Variants in MECOM observed in about 807,000 individuals in gnomAD.
MECOM encodes histone-lysine N-methyltransferase MECOM.
MECOM carries 13 observed loss-of-function variants against 116.3 expected under a neutral mutation model. The observed-to-expected ratio is 0.11, with a 90% confidence interval of 0.07 to 0.18. The LOEUF (loss-of-function observed/expected upper bound fraction) is 0.18. Ranked by LOEUF, MECOM falls within the 10% of genes least tolerant of loss-of-function variation. MECOM has a pLI of 1.00. For synonymous variants in MECOM, 528 were observed against 535.2 expected, an observed-to-expected ratio of 0.99 and a Z score of 0.19; for missense variants, 1,299 against 1,509.0, an observed-to-expected ratio of 0.86 and a Z score of 2.31.
At chr3:169,187,410 G>A (rs1448367305) in intron 2 of MECOM, among the ~76,000 whole-genome samples, 2 of 152,020 alleles carry the variant, frequency 1.3e-5, no homozygotes, top group East Asian at 3.9e-4. Context: ...AAATAAAAAT[G>A]GAAAAGCCAA....
At chr3:169,352,965 G>C (rs1450830243) in intron 2 of MECOM, among the ~76,000 whole-genome samples, 1 of 151,930 alleles carries the variant, frequency 6.6e-6, no homozygotes, top group African/African-American at 2.4e-5. Flanking sequence ...GAGCTTTGCT[G>C]TCTGGACCAA....
chr3:169,483,196 ATTTTTATTTTTTTTT>A (rs1751606946), intron 1 of MECOM, among the ~76,000 whole-genome samples: 5 of 104,774 alleles, frequency 4.8e-5, no homozygotes, highest in African/African-American at 1.9e-4. Flanking sequence ...TTTTATTTTT[ATTTTTATTTTTTTTT>A]TTTTTTTGCC....
intron 2 of MECOM, among the ~76,000 whole-genome samples, chr3:169,334,697 G>T (rs1467222014): frequency 1.3e-5 from 2 of 152,110 alleles, no homozygotes; most frequent in African/African-American, 4.8e-5. Flanking sequence ...CTTGTTTGTT[G>T]AATTAATCAG....
chr3:169,350,919 A>C (rs1344471053), intron 2 of MECOM, among the ~76,000 whole-genome samples: 1 of 151,818 alleles, frequency 6.6e-6, no homozygotes, highest in Non-Finnish European at 1.5e-5. Context: ...CCATCTCTGA[A>C]GCACCCATGC....
At chr3:169,207,342 C>G (rs1197497044) in intron 2 of MECOM, among the ~76,000 whole-genome samples, 1 of 152,130 alleles carries the variant, frequency 6.6e-6, no homozygotes, top group Non-Finnish European at 1.5e-5. Flanking sequence ...TCTGGATACA[C>G]AGTGGGCGGA....
At chr3:169,217,307 A>G (rs1275858310) in intron 2 of MECOM, among the ~76,000 whole-genome samples, 1 of 152,152 alleles carries the variant, frequency 6.6e-6, no homozygotes, top group East Asian at 1.9e-4. Context: ...ACAATAAAAT[A>G]TATAACACAA....
chr3:169,252,268 A>G (rs1756338586), intron 2 of MECOM, among the ~76,000 whole-genome samples: 1 of 152,072 alleles, frequency 6.6e-6, no homozygotes. Context: ...GTATAAATCA[A>G]ACAAAAATTC....
chr3:169,137,789 G>A (rs993723669), intron 3 of MECOM, among the ~76,000 whole-genome samples: 2 of 152,100 alleles, frequency 1.3e-5, no homozygotes, highest in African/African-American at 4.8e-5. Flanking sequence ...AACAGAGAGA[G>A]AATTGTTAGT....
At chr3:169,104,511 A>G (rs1449265603) in intron 10 of MECOM, among the ~76,000 whole-genome samples, 2 of 152,164 alleles carry the variant, frequency 1.3e-5, no homozygotes, top group Non-Finnish European at 2.9e-5. Context: ...ACACACATTT[A>G]TTGGGAAGAA....
chr3:169,459,306 G>A (rs1412579186), intron 1 of MECOM, among the ~76,000 whole-genome samples: 1 of 152,180 alleles, frequency 6.6e-6, no homozygotes, highest in Non-Finnish European at 1.5e-5. Context: ...GAGTCAAGCA[G>A]TTACTATGAA....
chr3:169,241,824 A>G (rs1377275273), intron 2 of MECOM, among the ~76,000 whole-genome samples: 3 of 152,244 alleles, frequency 2.0e-5, no homozygotes, highest in Non-Finnish European at 4.4e-5. Flanking sequence ...TCAAGTCAGG[A>G]CATTTTTAAT....
At chr3:169,471,706 T>C (rs1209561272) in intron 1 of MECOM, among the ~76,000 whole-genome samples, 1 of 152,228 alleles carries the variant, frequency 6.6e-6, no homozygotes, top group Non-Finnish European at 1.5e-5. Flanking sequence ...TCTTTCCTCC[T>C]GGCTCCTCAT....
At chr3:169,215,903 G>A (rs13085351) in intron 2 of MECOM, among the ~76,000 whole-genome samples, 52,357 of 152,092 alleles carry the variant, frequency 0.34, 9,719 homozygotes, top group Middle Eastern at 0.55. Context: ...AGCAGTTTTC[G>A]CTCTTCCAGG....
At chr3:169,086,472 A>G (rs1335587245) in intron 16 of MECOM, 3 of 655,012 alleles carry the variant, frequency 4.6e-6, no homozygotes, top group Non-Finnish European at 8.2e-6. Context: ...AAATTTTGGA[A>G]TTTAAATTTT....
intron 2 of MECOM, among the ~76,000 whole-genome samples, chr3:169,208,227 G>GTA (rs796142431): frequency 6.7e-6 from 1 of 148,998 alleles, no homozygotes; most frequent in Non-Finnish European, 1.5e-5. Flanking sequence ...GTGTGTGTGT[G>GTA]TATATTTATA....
intron 1 of MECOM, among the ~76,000 whole-genome samples, chr3:169,490,742 T>C (rs1752982523): frequency 6.6e-6 from 1 of 152,032 alleles, no homozygotes; most frequent in Non-Finnish European, 1.5e-5. Flanking sequence ...AGGAGAAGAG[T>C]AACAGAAAGG....
At chr3:169,219,796 G>A (rs931396571) in intron 2 of MECOM, among the ~76,000 whole-genome samples, 4 of 148,898 alleles carry the variant, frequency 2.7e-5, no homozygotes, top group African/African-American at 4.9e-5. Context: ...ACATTAGTTT[G>A]CTATATATAA....
chr3:169,122,631 G>A lies in MECOM; in HGVS notation c.927C>T (p.His309=), dbSNP rs144421362. Residue 309 remains histidine, a synonymous_variant, in exon 6 of 17, where the codon CAC becomes CAT. Transcript: ENST00000651503. ...AFNWKSNLIR[H]QMSHDSGKHY... ...GCTTTCCACTGTCATGTGACATCTG[G>A]TGGCGAATTAAATTGGACTTCCAGT... is the stretch of plus-strand genomic sequence containing the variant. 1.8e-5 allele frequency: 29 copies of A among 1,614,056 alleles called. No homozygotes were observed. The highest frequency in any genetic ancestry group is 1.2e-4 in the African/African-American group (9 of 75,048).
At chr3:169,111,188 G>A (rs535499661) in intron 9 of MECOM, among the ~76,000 whole-genome samples, 82 of 152,218 alleles carry the variant, frequency 5.4e-4, no homozygotes, top group African/African-American at 1.9e-3. Context: ...GAGCCAGGTA[G>A]ACTAAGATGT....
Sources: gnomAD v4.1 joint callset for allele counts (sites outside exome capture counted in the v4.1 genomes callset) on GRCh38, gnomAD v4.1.1 for gene constraint, MANE v1.5 for transcripts, NCBI Gene and HGNC (gene_info 2026-07-23, HGNC 2026-07-21) for gene names.